TMEM44: variants seen among roughly 807,000 people sequenced by gnomAD.
The protein encoded by TMEM44 is transmembrane protein 44.
TMEM44 carries 43 observed loss-of-function variants against 47.8 expected under a neutral mutation model. That is an observed-to-expected ratio of 0.90 (90% CI 0.70 to 1.16). The LOEUF (loss-of-function observed/expected upper bound fraction) is 1.16, where lower values mean the gene tolerates loss of function less well. TMEM44 is among the 50% of genes most tolerant of loss of function. The pLI, the probability that TMEM44 is intolerant of heterozygous loss-of-function variation, is 0.00. For synonymous variants in TMEM44, 277 were observed against 238.8 expected (o/e 1.16, Z -1.48); for missense variants, 568 against 555.2 (o/e 1.02, Z -0.23).
chr3:194,617,869 T>C, intron 5 of TMEM44: 2 of 633,600 alleles, frequency 3.2e-6, no homozygotes, highest in South Asian at 1.8e-5. Flanking sequence ...GAGTGAGTTC[T>C]CCTGAGATCT....
intron 6 of TMEM44, among the ~76,000 whole-genome samples, chr3:194,616,193 G>A (rs1488294531): frequency 1.3e-5 from 2 of 151,874 alleles, no homozygotes; most frequent in East Asian, 1.9e-4. Context: ...CTGGGATTAC[G>A]GGCACCTGCC....
At chr3:194,623,721 T>A in intron 3 of TMEM44, 26 bp from the exon 4 acceptor site, 1 of 1,613,540 alleles carries the variant, frequency 6.2e-7, no homozygotes, top group Non-Finnish European at 8.5e-7. Flanking sequence ...AAATCCCACA[T>A]GGCTCCTGGA....
rs1232750478 is a variant in TMEM44 at position 194,623,213 on chromosome 3, C to A, written c.612+11G>T. The A allele has an allele frequency of 3.1e-6, 5 of 1,600,508 alleles. No homozygotes were observed. The highest frequency in any genetic ancestry group is 4.3e-6 in the Non-Finnish European group (5 of 1,173,190). ...TGTGACCCACAGTCCCATCCCCACC[C>A]CCGGCCTCACAATTCTGGAGAGAGG... On this transcript the variant is annotated intron_variant, in intron 5 of 9. Transcript: ENST00000347147.
At chr3:194,617,377 C>A (rs1398302562) in intron 5 of TMEM44, 108 bp from the exon 6 acceptor site, 16 of 1,244,654 alleles carry the variant, frequency 1.3e-5, no homozygotes, top group Non-Finnish European at 1.7e-5. Context: ...TGCAGCCAGT[C>A]CTCCAGGGCA....
At chr3:194,589,700 G>A (rs186065087) in intron 9 of TMEM44, 1 of 152,246 alleles carries the variant, frequency 6.6e-6, no homozygotes, top group Non-Finnish European at 1.5e-5. Flanking sequence ...CATTGACAAA[G>A]CTGTCTGTGA....
At chr3:194,614,856 T>A (rs1015703382) in intron 7 of TMEM44, among the ~76,000 whole-genome samples, 15 of 152,226 alleles carry the variant, frequency 9.9e-5, no homozygotes, top group African/African-American at 3.4e-4. Flanking sequence ...ACCAAAAAAC[T>A]TCAAAACATT....
In TMEM44 at chr3:194,605,503, A is replaced by G. The variant is rs1050443765; in HGVS notation, c.1018-1058T>C. Among the ~76,000 whole-genome samples the G allele has an allele frequency of 1.3e-5, 2 of 152,238 alleles. 1 individual carries two copies. The highest frequency in any genetic ancestry group is 1.3e-4 in the Admixed American group (2 of 15,278). ...CAATCACGGCAGAAGGCAAAGGAGGAGCAAGTCACGTCTTACATGGATGGC... is the reference window on the plus strand; with the variant it reads ...CAATCACGGCAGAAGGCAAAGGAGGGGCAAGTCACGTCTTACATGGATGGC... On this transcript the variant is annotated intron_variant, in intron 8 of 9. Coordinates refer to ENST00000347147, the MANE Select transcript of TMEM44 (RefSeq NM_001011655.3).
intron 7 of TMEM44, among the ~76,000 whole-genome samples, chr3:194,613,095 G>A (rs988016800): frequency 2.6e-5 from 4 of 152,300 alleles, no homozygotes; most frequent in Admixed American, 1.3e-4. Flanking sequence ...AAAAGGAGAC[G>A]CATTAACTTT....
chr3:194,606,956 A>AAAAAAAAAAG (rs1714847040), intron 8 of TMEM44, among the ~76,000 whole-genome samples: 1 of 121,060 alleles, frequency 8.3e-6, no homozygotes, highest in Non-Finnish European at 1.8e-5. Context: ...CTGCCTCAAA[A>AAAAAAAAAAG]AAAAAAAGGA....
intron 8 of TMEM44, 82 bp downstream of exon 8, chr3:194,610,834 T>C (rs1715243000): frequency 8.0e-7 from 1 of 1,249,730 alleles, no homozygotes; most frequent in South Asian, 1.3e-5. Context: ...ATCCCTCAGC[T>C]AAAGCATCAC....
At position 194,611,081 on chromosome 3, in the gene TMEM44, A is replaced by C; in HGVS notation, c.913-61T>G. The C allele has an allele frequency of 1.6e-5, 23 of 1,406,110 alleles. No homozygotes were observed. The highest frequency in any genetic ancestry group is 2.3e-5 in the Non-Finnish European group (23 of 998,066). 87.1% of individuals were successfully genotyped at this position (1,406,110 alleles called of 1,614,324 possible). ...TCTCAAAGTCAGGAGGCATTTTCTAAAAACAAGGTCACATTTTATTCAAAA... is the reference window on the plus strand; with the variant it reads ...TCTCAAAGTCAGGAGGCATTTTCTACAAACAAGGTCACATTTTATTCAAAA... On this transcript the variant is annotated intron_variant, in intron 7 of 9. Transcript: ENST00000347147. This position sits in a 1 kb window ranked among gnomAD's most constrained non-coding sequence, Gnocchi z 4.2.
intron 5 of TMEM44, chr3:194,617,689 G>A (rs1289954264): frequency 7.1e-6 from 5 of 704,128 alleles, no homozygotes; most frequent in Non-Finnish European, 1.3e-5. Context: ...TGTCCGCTGG[G>A]AGAACGTGAG....
intron 7 of TMEM44, 86 bp downstream of exon 7, chr3:194,615,483 C>T: frequency 2.6e-6 from 4 of 1,531,098 alleles, no homozygotes; most frequent in Non-Finnish European, 3.5e-6. Flanking sequence ...TTTCACACGT[C>T]CGTCCGCAGT....
chr3:194,610,935 G>A lies in TMEM44; in HGVS notation c.998C>T (p.Thr333Ile), dbSNP rs1715257714. The change falls in exon 8 of 10, where the codon ACC (threonine) becomes ATC (isoleucine). Residue 333 changes from threonine (T) to isoleucine (I), a missense_variant. Coordinates refer to ENST00000347147, the MANE Select transcript of TMEM44 (RefSeq NM_001011655.3). Reference protein sequence around the residue: ...MTAISRYMELTIEPVQQAGCS... With the variant: ...MTAISRYMELIIEPVQQAGCS... Reference sequence around the variant, plus strand: ...ACTCACCTGCTGCACAGGCTCGATGGTCAGCTCCATGTAGCGACTGATTGC... The same window carrying A: ...ACTCACCTGCTGCACAGGCTCGATGATCAGCTCCATGTAGCGACTGATTGC... 1 of 1,613,754 alleles carries A rather than the reference G, an allele frequency of 6.2e-7. No individual in the cohort carries two copies. The highest frequency in any genetic ancestry group is 8.5e-7 in the Non-Finnish European group (1 of 1,179,908).
intron 9 of TMEM44, among the ~76,000 whole-genome samples, chr3:194,597,666 G>T (rs1032713968): frequency 4.1e-5 from 6 of 146,518 alleles, no homozygotes; most frequent in African/African-American, 1.0e-4. Flanking sequence ...AAAAAAAAAA[G>T]AAAAAAGAAA....
At chr3:194,594,137 A>G (rs71317912) in intron 9 of TMEM44, among the ~76,000 whole-genome samples, 35,667 of 145,620 alleles carry the variant, frequency 0.24, 4,717 homozygotes, top group East Asian at 0.53. Context: ...CTATCTATCT[A>G]TCTATCTATC....
intron 3 of TMEM44, 43 bp downstream of exon 3, chr3:194,625,854 T>C (rs746023258): frequency 2.6e-6 from 4 of 1,529,686 alleles, no homozygotes; most frequent in Non-Finnish European, 3.6e-6. Context: ...TGCTGATGAA[T>C]GAATGGGTGA....
At chr3:194,618,580 T>C (rs1440096885) in intron 5 of TMEM44, among the ~76,000 whole-genome samples, 1 of 148,278 alleles carries the variant, frequency 6.7e-6, no homozygotes, top group African/African-American at 2.4e-5. Flanking sequence ...TAATTTAGTT[T>C]ATATATATAA....
chr3:194,609,438 G>A (rs1241479998), intron 8 of TMEM44, among the ~76,000 whole-genome samples: 3 of 152,164 alleles, frequency 2.0e-5, no homozygotes, highest in African/African-American at 4.8e-5. Context: ...AGGGTGGCAG[G>A]AAACACAGAA....
Sources: gnomAD v4.1 joint callset for allele counts (sites outside exome capture counted in the v4.1 genomes callset) on GRCh38, gnomAD v4.1.1 for gene constraint, Gnocchi (gnomAD v3.1) non-coding constraint, MANE v1.5 for transcripts, NCBI Gene and HGNC (gene_info 2026-07-23, HGNC 2026-07-21) for gene names.